SLC7A2: variants seen among roughly 807,000 people sequenced by gnomAD.
SLC7A2 encodes the protein cationic amino acid transporter 2.
In SLC7A2, 48 loss-of-function variants were observed where a neutral mutation model predicts 58.9. The ratio of observed to expected loss-of-function variants is 0.82; its 90% CI spans 0.65 to 1.04. The LOEUF (loss-of-function observed/expected upper bound fraction) is 1.04. Among genes scored for constraint, SLC7A2 ranks in the 50% least tolerant of loss-of-function variants. The pLI, the probability that SLC7A2 is intolerant of heterozygous loss-of-function variation, is 0.00. For synonymous variants in SLC7A2, 363 were observed against 314.5 expected (o/e 1.15, Z -1.63); for missense variants, 1,029 against 818.8 (o/e 1.26, Z -3.13).
intron 2 of SLC7A2, 61 bp downstream of exon 2, chr8:17,502,363 A>G (rs1243533876): frequency 6.6e-6 from 1 of 152,170 alleles, no homozygotes; most frequent in African/African-American, 2.4e-5. Context: ...GATAAAAAAA[A>G]AATGTTGACA....
chr8:17,496,268 G>A (rs1414559761), upstream of SLC7A2, among the ~76,000 whole-genome samples: 3 of 152,140 alleles, frequency 2.0e-5, no homozygotes. Context: ...GCTGCAGTGA[G>A]CCACGATTGT....
At chr8:17,561,818 A>ACTCTTTGTAT in intron 10 of SLC7A2, 126 bp from the exon 11 acceptor site, 1 of 824,318 alleles carries the variant, frequency 1.2e-6, no homozygotes. Flanking sequence ...CAAGGCGAAG[A>ACTCTTTGTAT]CTCTTTGTAT....
At chr8:17,504,854 T>A (rs928611645) in intron 2 of SLC7A2, among the ~76,000 whole-genome samples, 1 of 152,158 alleles carries the variant, frequency 6.6e-6, no homozygotes, top group African/African-American at 2.4e-5. Context: ...ACTTTTACAG[T>A]TTTTTCTAAT....
chr8:17,558,182 A>G, intron 8 of SLC7A2, 113 bp from the exon 9 acceptor site: 1 of 679,398 alleles, frequency 1.5e-6, no homozygotes, highest in Non-Finnish European at 2.7e-6. Flanking sequence ...TGGTTGACTT[A>G]TCCTTGGTAC....
chr8:17,536,066 A>G (rs1026173539), intron 2 of SLC7A2, among the ~76,000 whole-genome samples: 3 of 151,746 alleles, frequency 2.0e-5, no homozygotes, highest in South Asian at 4.2e-4. Flanking sequence ...CATTACATGA[A>G]TTATCGCTCT....
chr8:17,512,095 C>T (rs766115174), intron 2 of SLC7A2, among the ~76,000 whole-genome samples: 4 of 152,168 alleles, frequency 2.6e-5, no homozygotes, highest in Non-Finnish European at 5.9e-5. Context: ...TAGGTAGAGA[C>T]ATACACAAAA....
At chr8:17,555,219 G>T (rs1349004903) in intron 8 of SLC7A2, 4 of 755,176 alleles carry the variant, frequency 5.3e-6, no homozygotes, top group Non-Finnish European at 8.3e-6. Context: ...TAGTATACAA[G>T]CATTGGGATT....
chr8:17,538,631 G>T, intron 2 of SLC7A2: 1 of 550,548 alleles, frequency 1.8e-6, no homozygotes, highest in South Asian at 2.6e-5. Context: ...TTTAACCCAC[G>T]TTATAATTTG....
At chr8:17,530,545 C>G (rs1189511171) in intron 2 of SLC7A2, among the ~76,000 whole-genome samples, 1 of 150,882 alleles carries the variant, frequency 6.6e-6, no homozygotes, top group African/African-American at 2.4e-5. Flanking sequence ...TGGCAGAAGG[C>G]AGATTAGGTA....
At chr8:17,501,831 C>T (rs542686799) in intron 1 of SLC7A2, among the ~76,000 whole-genome samples, 2 of 150,974 alleles carry the variant, frequency 1.3e-5, no homozygotes, top group South Asian at 2.1e-4. Flanking sequence ...GATTCAGTAT[C>T]GGGAAGGCGA....
chr8:17,503,656 T>C (rs1800257020), intron 2 of SLC7A2, among the ~76,000 whole-genome samples: 2 of 152,198 alleles, frequency 1.3e-5, no homozygotes, highest in Non-Finnish European at 2.9e-5. Context: ...CCAAGGTACT[T>C]GTCCTGACAA....
At position 17,567,698 on chromosome 8, in the gene SLC7A2, T is replaced by C. The variant is rs1034537791; in HGVS notation, c.*2552T>C. On this transcript the variant is annotated 3_prime_UTR_variant, in exon 13 of 13. Coordinates refer to ENST00000494857, the MANE Select transcript of SLC7A2 (RefSeq NM_001370338.1). ...GAGAAAAATTGATGTTTGATGTTGATAGATATGCTTATACCTAATTTTTAG... is the reference window on the plus strand; with the variant it reads ...GAGAAAAATTGATGTTTGATGTTGACAGATATGCTTATACCTAATTTTTAG... 4 of 152,484 alleles carry C rather than the reference T, an allele frequency of 2.6e-5. No individual in the cohort carries two copies. Among genetic ancestry groups the C allele is most frequent in the African/African-American group, 9.6e-5 (4 of 41,458 alleles). The allele number at this position is 152,484 out of a possible 1,614,324, so 9.4% of individuals were successfully genotyped here. A position where few individuals can be genotyped will look rare whatever the true frequency, so the allele number is the denominator to read the frequency against.
At chr8:17,538,472 G>A (rs1445186156) in intron 2 of SLC7A2, among the ~76,000 whole-genome samples, 1 of 152,192 alleles carries the variant, frequency 6.6e-6, no homozygotes, top group East Asian at 1.9e-4. Context: ...AATCAAGGCT[G>A]AACAGTTACC....
chr8:17,495,804 C>T (rs373698355), upstream of SLC7A2, among the ~76,000 whole-genome samples: 1 of 152,206 alleles, frequency 6.6e-6, no homozygotes, highest in South Asian at 2.1e-4. Flanking sequence ...CGCGCCTCGG[C>T]GTCCCAAAGT....
chr8:17,560,624 A>G, intron 10 of SLC7A2, 91 bp downstream of exon 10: 5 of 1,104,418 alleles, frequency 4.5e-6, no homozygotes, highest in South Asian at 1.3e-5. Flanking sequence ...AGGGCCTAAC[A>G]TTGCCCTAGA....
chr8:17,515,646 G>C (rs1255492636), intron 2 of SLC7A2, among the ~76,000 whole-genome samples: 1 of 152,036 alleles, frequency 6.6e-6, no homozygotes, highest in Non-Finnish European at 1.5e-5. Context: ...CGGGTTTTTG[G>C]CAATGTGTGC....
At position 17,560,506 on chromosome 8, in the gene SLC7A2, C is replaced by G; in HGVS notation, c.1477C>G (p.Leu493Val). The change falls in exon 10 of 13, where the codon CTC (leucine) becomes GTC (valine). Residue 493 changes from leucine (L) to valine (V), a missense_variant. Physicochemically the swap from Leu to Val is conservative, Grantham distance 32. Coordinates refer to ENST00000494857, the MANE Select transcript of SLC7A2 (RefSeq NM_001370338.1). ...SLLPTQQSASLVSFLVGFLAF... is the reference protein window; with the variant it reads ...SLLPTQQSASVVSFLVGFLAF... Reference sequence around the variant, plus strand: ...TCTGCCAACACAGCAGTCAGCTTCTCTCGTGAGCTTTCTGGTAGGATTCCT... The same window carrying G: ...TCTGCCAACACAGCAGTCAGCTTCTGTCGTGAGCTTTCTGGTAGGATTCCT... 6.2e-7 allele frequency: 1 copy of G among 1,613,910 alleles called. No homozygotes were observed. The highest frequency in any genetic ancestry group is 1.7e-4 in the Middle Eastern group (1 of 6,052).
At chr8:17,558,982 G>A (rs1802836471) in intron 9 of SLC7A2, among the ~76,000 whole-genome samples, 1 of 152,122 alleles carries the variant, frequency 6.6e-6, no homozygotes, top group Non-Finnish European at 1.5e-5. Flanking sequence ...TGCCGATATA[G>A]ACATTATATG....
At chr8:17,551,203 GC>G (rs1407124621) in intron 6 of SLC7A2, among the ~76,000 whole-genome samples, 2 of 152,068 alleles carry the variant, frequency 1.3e-5, no homozygotes, top group African/African-American at 4.8e-5. Context: ...TTCTTTCCTG[GC>G]GATAGGAAAC....
Sources: gnomAD v4.1 joint callset for allele counts (sites outside exome capture counted in the v4.1 genomes callset) on GRCh38, gnomAD v4.1.1 for gene constraint, MANE v1.5 for transcripts, NCBI Gene and HGNC (gene_info 2026-07-23, HGNC 2026-07-21) for gene names.